CCDC167: variants seen among roughly 807,000 people sequenced by gnomAD.
CCDC167 encodes the protein coiled-coil domain containing 167.
CCDC167 carries 15 observed loss-of-function variants against 12.7 expected under a neutral mutation model. The observed-to-expected ratio is 1.18, with a 90% CI of 0.79 to 1.81. The LOEUF (loss-of-function observed/expected upper bound fraction) is 1.81, where lower values mean the gene tolerates loss of function less well. Ranked by LOEUF, CCDC167 falls within the 40% of genes most tolerant of loss-of-function variation. The probability of loss-of-function intolerance (pLI) is 0.00; values close to 1 mark genes in which losing one functional copy is unlikely to be tolerated. For missense variants in CCDC167, 121 were observed against 120.1 expected (o/e 1.01, Z -0.03); for synonymous variants, 52 against 49.0 (o/e 1.06, Z -0.26).
chr6:37,499,319 T>C (rs960411459), intron 1 of CCDC167, among the ~76,000 whole-genome samples: 2 of 152,220 alleles, frequency 1.3e-5, no homozygotes, highest in Non-Finnish European at 2.9e-5. Context: ...CCCAAAGTAA[T>C]TTTGAAGGTA....
chr6:37,491,595 AGCGTGGT>A (rs1762023313), intron 1 of CCDC167, among the ~76,000 whole-genome samples: 1 of 152,172 alleles, frequency 6.6e-6, no homozygotes, highest in Non-Finnish European at 1.5e-5. Context: ...TCCAATAAAG[AGCGTGGT>A]GCCAGGGTAG....
intron 1 of CCDC167, among the ~76,000 whole-genome samples, chr6:37,495,548 A>T (rs949039663): frequency 6.6e-6 from 1 of 152,244 alleles, no homozygotes. Flanking sequence ...AGAAGCTAAA[A>T]CTCACAGTTT....
At chr6:37,498,446 A>C (rs893234118) in intron 1 of CCDC167, among the ~76,000 whole-genome samples, 2 of 151,972 alleles carry the variant, frequency 1.3e-5, no homozygotes, top group African/African-American at 4.8e-5. Context: ...TTTTCCTACC[A>C]AGTGGGCCAA....
chr6:37,490,013 G>A (rs1761996487), intron 1 of CCDC167, among the ~76,000 whole-genome samples: 1 of 152,214 alleles, frequency 6.6e-6, no homozygotes, highest in Non-Finnish European at 1.5e-5. Context: ...AGAAAACCAA[G>A]GTCAATTTTT....
chr6:37,496,856 AG>A (rs2113910754), intron 1 of CCDC167, among the ~76,000 whole-genome samples: 1 of 152,350 alleles, frequency 6.6e-6, no homozygotes, highest in East Asian at 1.9e-4. Context: ...GATCCCTTGC[AG>A]TCAGGTGGGG....
intron 1 of CCDC167, among the ~76,000 whole-genome samples, chr6:37,495,811 T>C (rs192138206): frequency 3.5e-4 from 53 of 152,310 alleles, no homozygotes; most frequent in African/African-American, 1.3e-3. Context: ...TTAACAAACA[T>C]TTTTGATTAA....
intron 1 of CCDC167, among the ~76,000 whole-genome samples, chr6:37,498,803 C>A (rs1762129306): frequency 6.8e-6 from 1 of 147,338 alleles, no homozygotes. Context: ...TCAGCCTGGA[C>A]AACAGAGCGA....
intron 1 of CCDC167, among the ~76,000 whole-genome samples, chr6:37,487,328 G>A (rs1190378537): frequency 6.6e-6 from 1 of 152,196 alleles, no homozygotes; most frequent in Non-Finnish European, 1.5e-5. Flanking sequence ...GCCTGCTGCA[G>A]TCTTTGTATT....
chr6:37,483,301 GAGGGTGAT>G lies in CCDC167; in HGVS notation c.191-20_191-13del. On this transcript the variant is annotated splice_polypyrimidine_tract_variant and intron_variant, in intron 3 of 3. Coordinates refer to ENST00000373408, the MANE Select transcript of CCDC167 (RefSeq NM_138493.3). ...CTTCAGTTCCTTCTCTGGGAGGAAA[GAGGGTGAT>G]AGGGATAGGACAGGCAGTTTAGGCC... The G allele has an allele frequency of 5.7e-6, 9 of 1,589,188 alleles. No homozygotes were observed. Among genetic ancestry groups the G allele is most frequent in the Non-Finnish European group, 7.8e-6 (9 of 1,157,432 alleles).
At chr6:37,499,510 T>A (rs1762137923) in intron 1 of CCDC167, among the ~76,000 whole-genome samples, 1 of 152,126 alleles carries the variant, frequency 6.6e-6, no homozygotes, top group Admixed American at 6.5e-5. Flanking sequence ...CCTTTTGTTC[T>A]GTGTCCCCCG....
intron 2 of CCDC167, 33 bp downstream of exon 2, chr6:37,485,067 G>A (rs1761924935): frequency 1.3e-6 from 2 of 1,578,216 alleles, no homozygotes; most frequent in Non-Finnish European, 1.7e-6. Flanking sequence ...GGGCCTGATG[G>A]GGAAGGGTGG....
chr6:37,489,023 G>C (rs1458323810), intron 1 of CCDC167, among the ~76,000 whole-genome samples: 3 of 151,982 alleles, frequency 2.0e-5, no homozygotes, highest in Non-Finnish European at 4.4e-5. Flanking sequence ...GGATCACGAG[G>C]TCAGGAGATC....
chr6:37,494,465 C>T lies in CCDC167; in HGVS notation c.42+5357G>A, dbSNP rs1473713805. Among the ~76,000 whole-genome samples, 8 of 152,242 alleles carry T rather than the reference C, an allele frequency of 5.3e-5. No homozygotes were observed. In the South Asian group the frequency reaches 1.2e-3, roughly 24 times the overall value. The stretch of plus-strand genomic sequence containing the variant: ...TACTGTCAACTGGCCAACACAACAC[C>T]GACTCCCCACCCCTGCTCCTTTGCC... On this transcript the variant is annotated intron_variant, in intron 1 of 3. Coordinates refer to ENST00000373408, the MANE Select transcript of CCDC167 (RefSeq NM_138493.3).
Position 37,485,209 on chromosome 6 carries a change from A to C in CCDC167, c.43-15T>G. ...AGCCCATCGATCTGAAACAAAGGCC[A>C]CAGAGAGGTGGGCTGCCGAGGCTTC... On this transcript the variant is annotated splice_polypyrimidine_tract_variant and intron_variant, in intron 1 of 3. Transcript: ENST00000373408. 1.2e-6 allele frequency: 2 copies of C among 1,601,010 alleles called. No individual in the cohort carries two copies. The highest frequency in any genetic ancestry group is 1.3e-5 in the African/African-American group (1 of 74,832).
chr6:37,496,566 G>C (rs1295034933), intron 1 of CCDC167, among the ~76,000 whole-genome samples: 1 of 152,236 alleles, frequency 6.6e-6, no homozygotes, highest in Non-Finnish European at 1.5e-5. Flanking sequence ...TTATAGATGA[G>C]TGAACGAATG....
At chr6:37,496,118 A>AC (rs1365872605) in intron 1 of CCDC167, among the ~76,000 whole-genome samples, 1 of 152,198 alleles carries the variant, frequency 6.6e-6, no homozygotes. Flanking sequence ...CTTGGAGAAT[A>AC]CATGCCCCAC....
intron 1 of CCDC167, among the ~76,000 whole-genome samples, chr6:37,498,695 C>T (rs990320387): frequency 6.6e-6 from 1 of 151,960 alleles, no homozygotes; most frequent in Non-Finnish European, 1.5e-5. Flanking sequence ...CATGGTGGCA[C>T]GTGCCTGTAA....
chr6:37,487,790 A>T (rs760833621), intron 1 of CCDC167, among the ~76,000 whole-genome samples: 3 of 152,258 alleles, frequency 2.0e-5, no homozygotes, highest in African/African-American at 7.2e-5. Context: ...CGGAGCTGGC[A>T]GTCGGGGGCC....
chr6:37,492,259 A>G (rs1561799345), intron 1 of CCDC167, among the ~76,000 whole-genome samples: 2 of 152,206 alleles, frequency 1.3e-5, no homozygotes, highest in Non-Finnish European at 2.9e-5. Context: ...TCATGACAAG[A>G]GTTCTGCAGA....
Sources: gnomAD v4.1 joint callset for allele counts (sites outside exome capture counted in the v4.1 genomes callset) on GRCh38, gnomAD v4.1.1 for gene constraint, MANE v1.5 for transcripts, NCBI Gene and HGNC (gene_info 2026-07-23, HGNC 2026-07-21) for gene names.